NRG1: variants seen among roughly 807,000 people sequenced by gnomAD.
NRG1 encodes the protein pro-neuregulin-1, membrane-bound isoform.
Under a neutral mutation model 63.8 loss-of-function variants are expected in NRG1, and 18 were observed. The observed-to-expected ratio is 0.28, with a 90% CI of 0.19 to 0.42. The LOEUF (loss-of-function observed/expected upper bound fraction) is 0.42. Ranked by LOEUF, NRG1 falls within the 10% of genes least tolerant of loss-of-function variation. The pLI is 1.00. For missense variants in NRG1, 762 were observed against 814.7 expected (o/e 0.94, Z 0.79); for synonymous variants, 302 against 301.3 (o/e 1.00, Z -0.02).
chr8:32,752,350 G>T (rs1589596512), intron 7 of NRG1, among the ~76,000 whole-genome samples: 1 of 152,122 alleles, frequency 6.6e-6, no homozygotes, highest in Non-Finnish European at 1.5e-5. Context: ...GGGGAGGGGA[G>T]GCAGCAGACA....
chr8:31,847,974 G>A (rs1826845592), intron 1 of NRG1, among the ~76,000 whole-genome samples: 1 of 152,150 alleles, frequency 6.6e-6, no homozygotes, highest in Non-Finnish European at 1.5e-5. Context: ...GAATCAAGGA[G>A]GTCTGAGCAT....
chr8:31,707,484 T>C (rs1310660803), intron 1 of NRG1, among the ~76,000 whole-genome samples: 2 of 152,102 alleles, frequency 1.3e-5, no homozygotes, highest in African/African-American at 4.8e-5. Context: ...ATTCTTTTCT[T>C]CTTTTTTCTT....
chr8:32,604,753 G>T (rs1844967439), intron 2 of NRG1, among the ~76,000 whole-genome samples: 1 of 152,012 alleles, frequency 6.6e-6, no homozygotes, highest in South Asian at 2.1e-4. Flanking sequence ...TCTTTAGAAA[G>T]AATTCAGTAA....
chr8:31,663,198 T>C (rs752200189), intron 1 of NRG1, among the ~76,000 whole-genome samples: 16 of 152,300 alleles, frequency 1.1e-4, no homozygotes, highest in Admixed American at 2.0e-4. Flanking sequence ...ATAAATTGGA[T>C]TGGAAAAGTA....
At chr8:31,650,308 C>G (rs796266625) in intron 1 of NRG1, among the ~76,000 whole-genome samples, 1 of 152,134 alleles carries the variant, frequency 6.6e-6, no homozygotes, top group Non-Finnish European at 1.5e-5. Context: ...GCCTTGTTCC[C>G]TACTTAGAAA....
chr8:31,660,299 A>G (rs550863120), intron 1 of NRG1, among the ~76,000 whole-genome samples: 2 of 151,838 alleles, frequency 1.3e-5, no homozygotes, highest in South Asian at 4.2e-4. Context: ...AGACATATTG[A>G]TGCTTGACCA....
chr8:32,454,916 A>G (rs1433832768), intron 1 of NRG1, among the ~76,000 whole-genome samples: 1 of 151,904 alleles, frequency 6.6e-6, no homozygotes, highest in African/African-American at 2.4e-5. Context: ...TTTATTCTGT[A>G]TTTTTCTATG....
chr8:32,192,691 A>G (rs972624782), intron 1 of NRG1, among the ~76,000 whole-genome samples: 1 of 152,192 alleles, frequency 6.6e-6, no homozygotes, highest in Non-Finnish European at 1.5e-5. Flanking sequence ...ATCACATAAC[A>G]TAACCAAGTA....
intron 1 of NRG1, among the ~76,000 whole-genome samples, chr8:32,073,506 T>C (rs550314525): frequency 6.6e-6 from 1 of 152,316 alleles, no homozygotes; most frequent in Admixed American, 6.5e-5. Flanking sequence ...CATGGAATTA[T>C]AAGATAAATG....
chr8:32,392,952 A>G (rs1435597639), intron 1 of NRG1, among the ~76,000 whole-genome samples: 1 of 152,128 alleles, frequency 6.6e-6, no homozygotes. Flanking sequence ...CCATTATGCC[A>G]GGCCTAGCAG....
chr8:32,686,021 A>C (rs1238801936), intron 5 of NRG1, among the ~76,000 whole-genome samples: 1 of 152,244 alleles, frequency 6.6e-6, no homozygotes, highest in Admixed American at 6.5e-5. Flanking sequence ...TTTATTATAA[A>C]GTTAGAGCAC....
intron 1 of NRG1, among the ~76,000 whole-genome samples, chr8:32,496,460 C>A (rs1294018020): frequency 2.6e-5 from 4 of 152,174 alleles, no homozygotes; most frequent in East Asian, 1.9e-4. Flanking sequence ...CATGGCGGTG[C>A]GTGCCTGTAG....
At chr8:32,170,662 T>C (rs771242933) in intron 1 of NRG1, among the ~76,000 whole-genome samples, 17 of 152,184 alleles carry the variant, frequency 1.1e-4, no homozygotes, top group Non-Finnish European at 2.4e-4. Context: ...TGAAATGCAA[T>C]TTTCTATTTA....
intron 1 of NRG1, among the ~76,000 whole-genome samples, chr8:31,934,768 CCTAT>C (rs559912123): frequency 9.2e-5 from 14 of 152,178 alleles, no homozygotes; most frequent in Middle Eastern, 3.4e-3. Flanking sequence ...TATCTACCTA[CCTAT>C]CTATTTTTTT....
At chr8:32,515,442 G>A (rs1011036402) in intron 1 of NRG1, among the ~76,000 whole-genome samples, 2 of 146,356 alleles carry the variant, frequency 1.4e-5, no homozygotes, top group Non-Finnish European at 3.0e-5. Context: ...CCTTTGCCCA[G>A]TTTTTTTGTT....
intron 1 of NRG1, among the ~76,000 whole-genome samples, chr8:31,988,465 C>T (rs1480404560): frequency 6.6e-6 from 1 of 152,026 alleles, no homozygotes; most frequent in Non-Finnish European, 1.5e-5. Context: ...GGCCAAAACT[C>T]TAAAAGGAAG....
At chr8:31,882,329 TAAAAAAAAAAAAA>T (rs745615085) in intron 1 of NRG1, among the ~76,000 whole-genome samples, 2 of 79,830 alleles carry the variant, frequency 2.5e-5, no homozygotes, top group Non-Finnish European at 4.8e-5. Context: ...GCTCAAAAAC[TAAAAAAAAAAAAA>T]AAAAAAAAAA....
chr8:32,337,682 A>AAAAAAAAAAAAAAAAAAAAAAAAAAAAT (rs1554511693), intron 1 of NRG1, among the ~76,000 whole-genome samples: 6 of 116,700 alleles, frequency 5.1e-5, no homozygotes, highest in Admixed American at 8.7e-5. Flanking sequence ...AAAAAAAAAA[A>AAAAAAAAAAAAAAAAAAAAAAAAAAAAT]GCTGATGCAG....
chr8:32,564,684 A>G lies in NRG1; in HGVS notation c.100+15858A>G, dbSNP rs561835302. On this transcript the variant is annotated intron_variant, in intron 1 of 11. Transcript: ENST00000356819. The stretch of plus-strand genomic sequence containing the variant: ...TCTCATCAGGGTACTTTAATCAATC[A>G]AGGGTTGTTAAGAAGGTAGGAATGT... Among the ~76,000 whole-genome samples the G allele has an allele frequency of 2.0e-5, 3 of 152,300 alleles. No homozygotes were observed. The South Asian group carries it at 6.2e-4, about 32-fold the overall frequency.
Sources: allele counts gnomAD v4.1 joint callset (sites outside exome capture counted in the v4.1 genomes callset), GRCh38; gene constraint gnomAD v4.1.1; transcripts MANE v1.5; gene names NCBI Gene and HGNC (gene_info 2026-07-23, HGNC 2026-07-21).